Variants in SPTLC2 observed in about 807,000 individuals in gnomAD.
SPTLC2 encodes the protein serine palmitoyltransferase long chain base subunit 2, also known as serine palmitoyltransferase 2.
Under a neutral mutation model 62.0 loss-of-function variants are expected in SPTLC2, and 21 were observed. The observed-to-expected ratio is 0.34, with a 90% CI of 0.24 to 0.49. The LOEUF (loss-of-function observed/expected upper bound fraction) is 0.49, where lower values mean the gene tolerates loss of function less well. Ranked by LOEUF, SPTLC2 falls within the 20% of genes least tolerant of loss-of-function variation. The pLI is 0.99. For missense variants in SPTLC2, 511 were observed against 713.0 expected (o/e 0.72, Z 3.23); for synonymous variants, 261 against 261.8 (o/e 1.00, Z 0.03).
chr14:77,580,122 C>T (rs985041267), intron 2 of SPTLC2, among the ~76,000 whole-genome samples: 2 of 152,048 alleles, frequency 1.3e-5, no homozygotes, highest in East Asian at 3.8e-4. Flanking sequence ...TGCATATTTT[C>T]AAGGATCAAA....
intron 2 of SPTLC2, among the ~76,000 whole-genome samples, chr14:77,585,139 C>T (rs1389292252): frequency 6.6e-6 from 1 of 152,204 alleles, no homozygotes; most frequent in East Asian, 1.9e-4. Context: ...GCTCTCGCCC[C>T]TCCACAAAGC....
At chr14:77,528,970 A>G (rs2079422699) in intron 9 of SPTLC2, among the ~76,000 whole-genome samples, 1 of 151,746 alleles carries the variant, frequency 6.6e-6, no homozygotes, top group Non-Finnish European at 1.5e-5. Flanking sequence ...TGAGTAGCTG[A>G]GCTTACAGGC....
intron 9 of SPTLC2, 43 bp from the exon 10 acceptor site, chr14:77,521,624 A>C (rs773467745): frequency 8.3e-6 from 13 of 1,575,076 alleles, no homozygotes; most frequent in Non-Finnish European, 9.6e-6. Flanking sequence ...TCCTAAGTAA[A>C]AAGGAATGGA....
intron 1 of SPTLC2, among the ~76,000 whole-genome samples, chr14:77,605,338 T>A (rs2079899708): frequency 6.6e-6 from 1 of 152,174 alleles, no homozygotes; most frequent in Non-Finnish European, 1.5e-5. Context: ...TATGTCATGT[T>A]TGTGGCAACA....
At chr14:77,585,786 G>A (rs887542018) in intron 2 of SPTLC2, among the ~76,000 whole-genome samples, 2 of 152,140 alleles carry the variant, frequency 1.3e-5, no homozygotes, top group African/African-American at 4.8e-5. Flanking sequence ...AAACTATAAA[G>A]TATTTAGACC....
intron 9 of SPTLC2, among the ~76,000 whole-genome samples, chr14:77,533,768 G>A (rs769826818): frequency 4.6e-5 from 7 of 152,110 alleles, no homozygotes; most frequent in African/African-American, 7.2e-5. Context: ...GTTTAGATTC[G>A]ATAGCAAAAG....
intron 9 of SPTLC2, among the ~76,000 whole-genome samples, chr14:77,530,319 A>T (rs968083841): frequency 2.1e-5 from 3 of 145,854 alleles, no homozygotes; most frequent in East Asian, 3.9e-4. Context: ...TCTTTTTTAA[A>T]AAAAAAAAAT....
rs146054609 is a variant in SPTLC2, at chr14:77,537,173, C to T, written c.1303+14923G>A. ...GACCTCGTGATCTACCCGCCTCTGC[C>T]TCACAAAGTGCTAGGATTACAGACG... On this transcript the variant is annotated intron_variant, in intron 9 of 11. Coordinates refer to ENST00000216484, the MANE Select transcript of SPTLC2 (RefSeq NM_004863.4). 1.5e-3 allele frequency among the ~76,000 whole-genome samples: 233 copies of T among 152,142 alleles called. 1 individual carries two copies. The highest frequency in any genetic ancestry group is 2.3e-3 in the Non-Finnish European group (158 of 68,014).
At chr14:77,564,802 G>A (rs1177824420) in intron 5 of SPTLC2, among the ~76,000 whole-genome samples, 2 of 151,318 alleles carry the variant, frequency 1.3e-5, no homozygotes, top group Non-Finnish European at 2.9e-5. Flanking sequence ...AAGCAATTGT[G>A]TTGAATTATA....
intron 9 of SPTLC2, among the ~76,000 whole-genome samples, chr14:77,545,309 C>A (rs2079522237): frequency 6.6e-6 from 1 of 151,772 alleles, no homozygotes; most frequent in African/African-American, 2.4e-5. Context: ...TCTTGTCTCC[C>A]AGGCTGCAGT....
At chr14:77,539,498 T>TC (rs2079488725) in intron 9 of SPTLC2, among the ~76,000 whole-genome samples, 3 of 126,042 alleles carry the variant, frequency 2.4e-5, no homozygotes, top group Non-Finnish European at 5.2e-5. Flanking sequence ...TTTTTTTTTT[T>TC]TTTTTTTTGG....
intron 9 of SPTLC2, among the ~76,000 whole-genome samples, chr14:77,531,946 G>T (rs1224553327): frequency 6.6e-6 from 1 of 152,026 alleles, no homozygotes; most frequent in Non-Finnish European, 1.5e-5. Flanking sequence ...TAAAATACTT[G>T]GAAAATCACC....
At position 77,510,107 on chromosome 14, in the gene SPTLC2, T is replaced by G. The variant is rs17824567; in HGVS notation, c.*2177A>C. The G allele has an allele frequency of 0.11, 41,905 of 395,642 alleles. 2,443 individuals carry two copies. The highest frequency in any genetic ancestry group is 0.12 in the African/African-American group (5,969 of 48,678). The allele number at this position is 395,642 out of a possible 1,614,324, so 24.5% of individuals were successfully genotyped here. ...AGATGTGCAGAAAAGGTTGACAATGTATTTGATTTTATAGGACTCCTATTT... is the reference window on the plus strand; with the variant it reads ...AGATGTGCAGAAAAGGTTGACAATGGATTTGATTTTATAGGACTCCTATTT... On this transcript the variant is annotated 3_prime_UTR_variant, in exon 12 of 12. Coordinates refer to ENST00000216484, the MANE Select transcript of SPTLC2 (RefSeq NM_004863.4).
intron 7 of SPTLC2, among the ~76,000 whole-genome samples, chr14:77,556,305 T>C (rs1344824373): frequency 6.8e-6 from 1 of 147,880 alleles, no homozygotes; most frequent in African/African-American, 2.5e-5. Flanking sequence ...ACAGCGAGAT[T>C]CCATCTTAAA....
chr14:77,590,138 G>C (rs1268179192), intron 2 of SPTLC2, among the ~76,000 whole-genome samples: 1 of 152,112 alleles, frequency 6.6e-6, no homozygotes, highest in African/African-American at 2.4e-5. Flanking sequence ...ACCACACCCA[G>C]CTAATTTTTT....
At position 77,605,004 on chromosome 14, in the gene SPTLC2, T is replaced by G. The variant is rs563169367; in HGVS notation, c.133-7624A>C. On this transcript the variant is annotated intron_variant, in intron 1 of 11. Transcript: ENST00000216484. The stretch of plus-strand genomic sequence containing the variant: ...CACTTTGACTTTCTACTTTAAACAT[T>G]TGGCCTATTTATTTATTTTAAAGAG... Among the ~76,000 whole-genome samples the G allele has an allele frequency of 7.2e-5, 11 of 152,166 alleles. No homozygotes were observed. In the East Asian group the frequency reaches 7.7e-4, roughly 11 times the overall value.
rs532267116 is a variant in SPTLC2 at position 77,597,489 on chromosome 14, G to C, written c.133-109C>G. On this transcript the variant is annotated intron_variant, in intron 1 of 11. Transcript: ENST00000216484. ...GAATTATACCTTAAGAATTTTCTAAGTTCCGCCGGGCGCACTGGCTCACAC... is the reference window on the plus strand; with the variant it reads ...GAATTATACCTTAAGAATTTTCTAACTTCCGCCGGGCGCACTGGCTCACAC... The C allele has an allele frequency of 9.4e-6, 10 of 1,067,136 alleles. No homozygotes were observed. The South Asian group carries it at 9.5e-5, about 10-fold the overall frequency. The allele number at this position is 1,067,136 out of a possible 1,614,324, so 66.1% of individuals were successfully genotyped here. A position where few individuals can be genotyped will look rare whatever the true frequency, so the allele number is the denominator to read the frequency against.
chr14:77,549,424 T>C (rs902939154), intron 9 of SPTLC2, among the ~76,000 whole-genome samples: 12 of 152,138 alleles, frequency 7.9e-5, no homozygotes, highest in African/African-American at 2.9e-4. Flanking sequence ...ACAGTCACGA[T>C]GTCATGAGGA....
intron 9 of SPTLC2, among the ~76,000 whole-genome samples, chr14:77,530,803 T>C (rs1046016085): frequency 2.0e-5 from 3 of 151,676 alleles, no homozygotes; most frequent in Admixed American, 2.0e-4. Flanking sequence ...TTTGAATGAC[T>C]CAATGATGTA....
Sources: allele counts gnomAD v4.1 joint callset (sites outside exome capture counted in the v4.1 genomes callset), GRCh38; gene constraint gnomAD v4.1.1; transcripts MANE v1.5; gene names NCBI Gene and HGNC (gene_info 2026-07-23, HGNC 2026-07-21).